The following PPP2R2B variants were observed in gnomAD, a reference collection of about 807,000 sequenced individuals.
PPP2R2B encodes protein phosphatase 2 regulatory subunit Bbeta.
A neutral mutation model predicts 46.0 loss-of-function variants in PPP2R2B; 5 were observed. The observed-to-expected ratio is 0.11, with a 90% CI of 0.06 to 0.23. PPP2R2B has a LOEUF of 0.23. PPP2R2B is among the 10% of genes least tolerant of loss of function. The pLI is 1.00. For synonymous variants in PPP2R2B, 215 were observed against 206.7 expected (o/e 1.04, Z -0.34); for missense variants, 367 against 575.0 (o/e 0.64, Z 3.70).
chr5:147,040,782 C>G (rs1490043581), intron 1 of PPP2R2B: 2 of 436,542 alleles, frequency 4.6e-6, no homozygotes, highest in Admixed American at 2.6e-5. Context: ...TAAATAGGGC[C>G]AATTTCAAGA....
rs1769904981 is a variant in PPP2R2B, at chr5:146,581,717, T to C, written c.*8230A>G. ...CAGATCAGTTCTGTATTGTGGCTTG[T>C]ATGTAATATGACTCACTTTACTTTC... On this transcript the variant is annotated 3_prime_UTR_variant, in exon 10 of 10. Coordinates refer to ENST00000394411, the MANE Select transcript of PPP2R2B (RefSeq NM_181675.4). The C allele has an allele frequency of 6.6e-6, 1 of 152,202 alleles. No homozygotes were observed. The highest frequency in any genetic ancestry group is 2.4e-5 in the African/African-American group (1 of 41,444). 9.4% of individuals were successfully genotyped at this position (152,202 alleles called of 1,614,324 possible).
rs1580881969 is a variant in PPP2R2B at position 147,069,790 on chromosome 5, T to TTTTTTTG, written c.50+11268_50+11269insCAAAAAA. Among the ~76,000 whole-genome samples the TTTTTTTG allele has an allele frequency of 1.3e-4, 15 of 116,250 alleles. 1 individual carries two copies. The East Asian group carries it at 3.3e-3, about 26-fold the overall frequency. The allele number at this position is 116,250 out of a possible 152,430, so 76.3% of individuals were successfully genotyped here. A position where few individuals can be genotyped will look rare whatever the true frequency, so the allele number is the denominator to read the frequency against. On this transcript the variant is annotated intron_variant, in intron 2 of 10. Coordinates refer to the PPP2R2B transcript ENST00000394413. Reference sequence around the variant, plus strand: ...ACATGAACACATTTTATACTGTTTTTTTTTTTTTTTTTTTTTTTGAGATGG... The same window carrying TTTTTTTG: ...ACATGAACACATTTTATACTGTTTTTTTTTTTGTTTTTTTTTTTTTTTTTTGAGATGG...
chr5:146,924,433 C>T (rs1763713171), intron 1 of PPP2R2B, among the ~76,000 whole-genome samples: 1 of 152,096 alleles, frequency 6.6e-6, no homozygotes. Context: ...GTCTCTTGGA[C>T]TTCTGATTGT....
intron 1 of PPP2R2B, among the ~76,000 whole-genome samples, chr5:146,898,961 A>G: frequency 6.8e-6 from 1 of 146,412 alleles, no homozygotes; most frequent in East Asian, 2.1e-4. Flanking sequence ...CAATCTTTAA[A>G]AAGTCAGGAA....
chr5:146,979,604 T>C (rs1002360946), intron 1 of PPP2R2B, among the ~76,000 whole-genome samples: 11 of 147,608 alleles, frequency 7.5e-5, no homozygotes, highest in Admixed American at 2.7e-4. Context: ...CACACGCTAG[T>C]CCCTCTTTAT....
chr5:146,936,722 G>GT (rs1735007325), intron 1 of PPP2R2B, among the ~76,000 whole-genome samples: 2 of 152,012 alleles, frequency 1.3e-5, no homozygotes, highest in African/African-American at 4.8e-5. Flanking sequence ...TGTGGGCTTG[G>GT]TTTTTCTATG....
intron 1 of PPP2R2B, among the ~76,000 whole-genome samples, chr5:146,950,939 G>A (rs1055507580): frequency 7.2e-5 from 11 of 151,970 alleles, no homozygotes; most frequent in Admixed American, 2.6e-4. Context: ...AAACACTAAA[G>A]GGTGTAAATA....
At chr5:146,876,500 T>G (rs1172902800) in intron 2 of PPP2R2B, among the ~76,000 whole-genome samples, 1 of 152,186 alleles carries the variant, frequency 6.6e-6, no homozygotes, top group Non-Finnish European at 1.5e-5. Context: ...TTGGATGACA[T>G]GCTTAGATAC....
intron 2 of PPP2R2B, among the ~76,000 whole-genome samples, chr5:146,837,842 A>C (rs1287567229): frequency 6.6e-6 from 1 of 152,184 alleles, no homozygotes; most frequent in African/African-American, 2.4e-5. Flanking sequence ...AGGAAGTTCA[A>C]AAGGGGGAAC....
chr5:146,660,613 C>A (rs1295612090), intron 5 of PPP2R2B, among the ~76,000 whole-genome samples: 1 of 152,114 alleles, frequency 6.6e-6, no homozygotes, highest in Non-Finnish European at 1.5e-5. Flanking sequence ...CCAAAACCCC[C>A]TGGGAATCCT....
At chr5:146,825,238 T>A (rs1758506882) in intron 2 of PPP2R2B, among the ~76,000 whole-genome samples, 1 of 152,170 alleles carries the variant, frequency 6.6e-6, no homozygotes, top group South Asian at 2.1e-4. Context: ...TGCTGAGCTG[T>A]CCATGGTGCT....
intron 2 of PPP2R2B, among the ~76,000 whole-genome samples, chr5:146,824,187 G>T (rs894489399): frequency 6.6e-6 from 1 of 152,178 alleles, no homozygotes; most frequent in Non-Finnish European, 1.5e-5. Context: ...AGAGCAGAAA[G>T]CTTATTGAAC....
chr5:146,636,247 G>A (rs928556075), intron 7 of PPP2R2B, among the ~76,000 whole-genome samples: 5 of 152,080 alleles, frequency 3.3e-5, no homozygotes, highest in African/African-American at 9.7e-5. Flanking sequence ...TATATCCTTG[G>A]GCGTTAGGAA....
At chr5:146,714,278 T>C (rs1178941223) in intron 2 of PPP2R2B, among the ~76,000 whole-genome samples, 1 of 152,110 alleles carries the variant, frequency 6.6e-6, no homozygotes, top group Non-Finnish European at 1.5e-5. Flanking sequence ...TTTTTAACTT[T>C]GAGTAATGTA....
intron 9 of PPP2R2B, among the ~76,000 whole-genome samples, chr5:146,591,090 G>A (rs1561747697): frequency 6.6e-6 from 1 of 152,042 alleles, no homozygotes; most frequent in Admixed American, 6.5e-5. Flanking sequence ...TGGGGAGGGA[G>A]AGATTCCTTG....
chr5:146,919,979 T>C (rs1301739039), intron 1 of PPP2R2B: 3 of 152,210 alleles, frequency 2.0e-5, no homozygotes, highest in African/African-American at 4.8e-5. Context: ...AGTTACTTAA[T>C]ATCTTAATCA....
At chr5:146,840,780 T>A (rs1260495784) in intron 2 of PPP2R2B, among the ~76,000 whole-genome samples, 1 of 152,250 alleles carries the variant, frequency 6.6e-6, no homozygotes, top group Non-Finnish European at 1.5e-5. Context: ...TAAATGATGC[T>A]GCAGTATCAG....
At chr5:146,694,342 T>C (rs1202625617) in intron 4 of PPP2R2B, among the ~76,000 whole-genome samples, 1 of 152,216 alleles carries the variant, frequency 6.6e-6, no homozygotes, top group Non-Finnish European at 1.5e-5. Context: ...ACATGGGCCA[T>C]ATTTATATAG....
At chr5:146,983,176 A>ATTTTTTTTTTTTTTTTTT (rs745692719) in intron 1 of PPP2R2B, among the ~76,000 whole-genome samples, 3 of 80,856 alleles carry the variant, frequency 3.7e-5, no homozygotes, top group Non-Finnish European at 6.6e-5. Flanking sequence ...TTTCCAGAGC[A>ATTTTTTTTTTTTTTTTTT]TTTTTTTTTT....
Sources: gnomAD v4.1 joint callset for allele counts (sites outside exome capture counted in the v4.1 genomes callset) on GRCh38, gnomAD v4.1.1 for gene constraint, MANE v1.5 for transcripts, NCBI Gene and HGNC (gene_info 2026-07-23, HGNC 2026-07-21) for gene names.